The following EXOC4 variants were observed in gnomAD, a reference collection of about 807,000 sequenced individuals.
EXOC4 encodes the protein SEC8-like 1.
EXOC4 carries 71 observed loss-of-function variants against 107.2 expected under a neutral mutation model. The ratio of observed to expected loss-of-function variants is 0.66; its 90% CI spans 0.55 to 0.81. EXOC4 has a LOEUF of 0.81. Among genes scored for constraint, EXOC4 ranks in the 30% least tolerant of loss-of-function variants. The pLI, the probability that EXOC4 is intolerant of heterozygous loss-of-function variation, is 0.00. For synonymous variants in EXOC4, 456 were observed against 441.2 expected (o/e 1.03, Z -0.42); for missense variants, 1,108 against 1,189.6 (o/e 0.93, Z 1.01).
intron 11 of EXOC4, among the ~76,000 whole-genome samples, chr7:133,823,870 TATTATA>T (rs1485092489): frequency 3.6e-3 from 44 of 12,300 alleles, no homozygotes; most frequent in South Asian, 9.6e-3. Flanking sequence ...TATATATATA[TATTATA>T]TATATATATA....
intron 9 of EXOC4, among the ~76,000 whole-genome samples, chr7:133,521,389 T>G (rs528358888): frequency 3.9e-5 from 6 of 152,314 alleles, no homozygotes; most frequent in Non-Finnish European, 5.9e-5. Context: ...TAAAAATACG[T>G]TCTTTTAAAC....
intron 14 of EXOC4, among the ~76,000 whole-genome samples, chr7:133,957,677 A>G (rs993764112): frequency 6.6e-6 from 1 of 152,222 alleles, no homozygotes; most frequent in African/African-American, 2.4e-5. Context: ...TGAAACAACA[A>G]AAGGCTTCAT....
At chr7:133,849,856 G>A (rs1315957714) in intron 11 of EXOC4, among the ~76,000 whole-genome samples, 3 of 152,140 alleles carry the variant, frequency 2.0e-5, no homozygotes, top group Non-Finnish European at 4.4e-5. Flanking sequence ...AAGGAAAAAG[G>A]TCTCTTGTCT....
At chr7:133,370,523 G>A (rs543143594) in intron 6 of EXOC4, among the ~76,000 whole-genome samples, 3 of 152,250 alleles carry the variant, frequency 2.0e-5, no homozygotes, top group South Asian at 2.1e-4. Context: ...AGTGACCAGA[G>A]GGATGACGTT....
intron 9 of EXOC4, among the ~76,000 whole-genome samples, chr7:133,580,088 C>G (rs1186707730): frequency 6.6e-6 from 1 of 152,178 alleles, no homozygotes; most frequent in Non-Finnish European, 1.5e-5. Context: ...TTTCACTTAG[C>G]GTAATGTTCT....
intron 6 of EXOC4, among the ~76,000 whole-genome samples, chr7:133,374,369 A>G (rs894506154): frequency 1.3e-5 from 2 of 152,056 alleles, no homozygotes; most frequent in Non-Finnish European, 2.9e-5. Context: ...ATAGCTTTCC[A>G]TGACTAAATG....
intron 1 of EXOC4, among the ~76,000 whole-genome samples, chr7:133,260,268 CTGTTTTTTTTTTTT>C (rs1795113393): frequency 6.9e-6 from 1 of 144,842 alleles, no homozygotes; most frequent in African/African-American, 2.5e-5. Flanking sequence ...AGCCCTTTAA[CTGTTTTTTTTTTTT>C]TGTTTTTTTG....
intron 14 of EXOC4, among the ~76,000 whole-genome samples, chr7:133,941,180 G>T (rs147113361): frequency 0.012 from 1,825 of 152,026 alleles, 30 homozygotes; most frequent in African/African-American, 0.042. Context: ...AGTATTTTTA[G>T]TAGAGGCAGG....
At chr7:133,841,836 C>G (rs6966438) in intron 11 of EXOC4, among the ~76,000 whole-genome samples, 3,744 of 152,190 alleles carry the variant, frequency 0.025, 163 homozygotes, top group African/African-American at 0.085. Context: ...TCAAGTAGGT[C>G]CCGGTGTCTG....
At chr7:133,776,240 A>G (rs1001961217) in intron 10 of EXOC4, among the ~76,000 whole-genome samples, 2 of 151,946 alleles carry the variant, frequency 1.3e-5, no homozygotes, top group Non-Finnish European at 2.9e-5. Context: ...CGGTTCTATG[A>G]ATACAAATGG....
the EXOC4 span, among the ~76,000 whole-genome samples, chr7:134,076,591 T>G: frequency 6.6e-6 from 1 of 151,812 alleles, no homozygotes; most frequent in African/African-American, 2.4e-5. Flanking sequence ...TCCAGAGAAA[T>G]AGAACCAATA....
At chr7:133,313,116 G>A (rs1794912174) in intron 4 of EXOC4, among the ~76,000 whole-genome samples, 1 of 145,656 alleles carries the variant, frequency 6.9e-6, no homozygotes, top group Non-Finnish European at 1.5e-5. Flanking sequence ...TACATATGTT[G>A]GTTTTCTTTT....
chr7:133,297,703 AG>A (rs1201956142), intron 3 of EXOC4, among the ~76,000 whole-genome samples: 1 of 152,198 alleles, frequency 6.6e-6, no homozygotes, highest in African/African-American at 2.4e-5. Context: ...AAAATGGTGT[AG>A]GTATCATCGT....
At chr7:133,858,056 C>T (rs1174988464) in intron 11 of EXOC4, among the ~76,000 whole-genome samples, 1 of 152,002 alleles carries the variant, frequency 6.6e-6, no homozygotes, top group Non-Finnish European at 1.5e-5. Flanking sequence ...CCCACAGAAG[C>T]GTCACCAGTG....
At chr7:133,840,057 G>T (rs1220942232) in intron 11 of EXOC4, among the ~76,000 whole-genome samples, 1 of 152,220 alleles carries the variant, frequency 6.6e-6, no homozygotes, top group Non-Finnish European at 1.5e-5. Flanking sequence ...ATTTTAAAAA[G>T]ATTCCATAAA....
intron 9 of EXOC4, among the ~76,000 whole-genome samples, chr7:133,511,697 G>A (rs536544212): frequency 2.2e-4 from 33 of 152,156 alleles, no homozygotes; most frequent in Non-Finnish European, 4.7e-4. Flanking sequence ...TACCTGTGAT[G>A]TAAATATTTA....
intron 10 of EXOC4, among the ~76,000 whole-genome samples, chr7:133,701,164 CATAG>C (rs1392598317): frequency 6.6e-6 from 1 of 152,092 alleles, no homozygotes; most frequent in African/African-American, 2.4e-5. Flanking sequence ...TGAATTTATC[CATAG>C]ATAATTAAAA....
chr7:134,001,644 A>G (rs888774357), intron 15 of EXOC4, among the ~76,000 whole-genome samples: 2 of 152,002 alleles, frequency 1.3e-5, no homozygotes, highest in Non-Finnish European at 2.9e-5. Flanking sequence ...CTATTAATCC[A>G]CTTGTATACT....
chr7:134,041,008 G>A (rs1795503145), intron 17 of EXOC4, among the ~76,000 whole-genome samples: 2 of 152,064 alleles, frequency 1.3e-5, no homozygotes, highest in African/African-American at 2.4e-5. Context: ...GCCGAACCAT[G>A]CATTTTCCTT....
Sources: allele counts gnomAD v4.1 joint callset (sites outside exome capture counted in the v4.1 genomes callset), GRCh38; gene constraint gnomAD v4.1.1; transcripts MANE v1.5; gene names NCBI Gene and HGNC (gene_info 2026-07-23, HGNC 2026-07-21).